POU6F2: variants seen among roughly 807,000 people sequenced by gnomAD.
POU6F2 encodes POU domain, class 6, transcription factor 2.
Under a neutral mutation model 71.3 loss-of-function variants are expected in POU6F2, and 31 were observed. The observed-to-expected ratio is 0.43, with a 90% CI of 0.33 to 0.59. The LOEUF is 0.59. Ranked by LOEUF, POU6F2 falls within the 20% of genes least tolerant of loss-of-function variation. POU6F2 has a pLI of 0.04. For synonymous variants in POU6F2, 347 were observed against 355.7 expected (o/e 0.98, Z 0.27); for missense variants, 783 against 856.8 (o/e 0.91, Z 1.07).
chr7:39,048,725 G>C (rs1790343241), intron 1 of POU6F2, among the ~76,000 whole-genome samples: 1 of 151,924 alleles, frequency 6.6e-6, no homozygotes, highest in Non-Finnish European at 1.5e-5. Context: ...TGGGTTTCAT[G>C]GTAGTTCTAA....
intron 7 of POU6F2, among the ~76,000 whole-genome samples, chr7:39,443,805 T>C (rs1788463430): frequency 6.6e-6 from 1 of 152,226 alleles, no homozygotes; most frequent in Non-Finnish European, 1.5e-5. Flanking sequence ...GGACAACCAC[T>C]AAAAAATAAA....
At chr7:39,274,012 A>G (rs1784388491) in intron 4 of POU6F2, among the ~76,000 whole-genome samples, 1 of 152,234 alleles carries the variant, frequency 6.6e-6, no homozygotes, top group African/African-American at 2.4e-5. Flanking sequence ...TTTAATTTAT[A>G]TAATGTAAAC....
rs1411527650 is a variant in POU6F2, at chr7:39,465,537, A to G, written c.*851A>G. 2 of 152,136 alleles carry G rather than the reference A, an allele frequency of 1.3e-5. No homozygotes were observed. Among genetic ancestry groups the G allele is most frequent in the South Asian group, 2.1e-4 (1 of 4,822 alleles). The allele number at this position is 152,136 out of a possible 1,614,324, so 9.4% of individuals were successfully genotyped here. A position where few individuals can be genotyped will look rare whatever the true frequency, so the allele number is the denominator to read the frequency against. On this transcript the variant is annotated 3_prime_UTR_variant, in exon 10 of 10. Transcript: ENST00000518318. ...ATGACTTGTGGGTTTGAGAAAAGAA[A>G]ATGGAGCTCGCATTTCTCTCTTTTC...
At chr7:39,111,644 G>A (rs1369397025) in intron 2 of POU6F2, among the ~76,000 whole-genome samples, 1 of 152,160 alleles carries the variant, frequency 6.6e-6, no homozygotes, top group Non-Finnish European at 1.5e-5. Flanking sequence ...GATATAGGCA[G>A]ACAGACAAAA....
chr7:39,061,156 T>A (rs1350055911), intron 1 of POU6F2, among the ~76,000 whole-genome samples: 1 of 146,364 alleles, frequency 6.8e-6, no homozygotes, highest in Non-Finnish European at 1.5e-5. Context: ...ACTGGTATTA[T>A]TTTACATTTG....
At chr7:39,322,658 T>C (rs1316260017) in intron 4 of POU6F2, among the ~76,000 whole-genome samples, 1 of 152,230 alleles carries the variant, frequency 6.6e-6, no homozygotes, top group Non-Finnish European at 1.5e-5. Context: ...TAGGTGGTGT[T>C]CATTCACTTC....
intron 1 of POU6F2, among the ~76,000 whole-genome samples, chr7:39,045,419 G>A (rs1790272924): frequency 6.6e-6 from 1 of 151,838 alleles, no homozygotes; most frequent in Admixed American, 6.6e-5. Flanking sequence ...AAGATTCTAG[G>A]CACATTGCCA....
intron 2 of POU6F2, among the ~76,000 whole-genome samples, chr7:39,115,911 C>T (rs1021276070): frequency 1.3e-5 from 2 of 152,088 alleles, no homozygotes. Flanking sequence ...TGATTATAGA[C>T]TGAATTCAAA....
At chr7:39,435,988 G>A (rs1788231933) in intron 7 of POU6F2, among the ~76,000 whole-genome samples, 1 of 152,106 alleles carries the variant, frequency 6.6e-6, no homozygotes, top group Non-Finnish European at 1.5e-5. Context: ...CTATATATCT[G>A]TTTTGGTGCC....
chr7:39,157,993 G>A (rs1792907949), intron 2 of POU6F2, among the ~76,000 whole-genome samples: 1 of 152,128 alleles, frequency 6.6e-6, no homozygotes, highest in Non-Finnish European at 1.5e-5. Flanking sequence ...ATTCAGGAAG[G>A]CATGCTACAG....
intron 5 of POU6F2, among the ~76,000 whole-genome samples, chr7:39,372,493 G>A (rs1786634505): frequency 6.6e-6 from 1 of 152,178 alleles, no homozygotes; most frequent in South Asian, 2.1e-4. Flanking sequence ...CTGAAGGTGA[G>A]CAGGCAGAAG....
chr7:39,449,671 A>C (rs1168745792), intron 7 of POU6F2, among the ~76,000 whole-genome samples: 1 of 152,200 alleles, frequency 6.6e-6, no homozygotes. Context: ...ACCTTTATTC[A>C]TCATAGCCCC....
At chr7:39,280,670 T>C (rs1019523715) in intron 4 of POU6F2, among the ~76,000 whole-genome samples, 1 of 152,216 alleles carries the variant, frequency 6.6e-6, no homozygotes, top group African/African-American at 2.4e-5. Flanking sequence ...TACTGAAAGC[T>C]TCACACTCTA....
chr7:39,016,311 A>G (rs1789547723), intron 1 of POU6F2, among the ~76,000 whole-genome samples: 1 of 150,382 alleles, frequency 6.6e-6, no homozygotes, highest in African/African-American at 2.4e-5. Context: ...CTGTGAGCCA[A>G]GTAGGGTTCT....
Position 39,464,414 on chromosome 7 carries a change from A to AGT in POU6F2, c.1893_1894dup (p.Glu632ValfsTer36). 1 of 1,614,038 alleles carries AGT rather than the reference A, an allele frequency of 6.2e-7. No individual in the cohort carries two copies. Among genetic ancestry groups the AGT allele is most frequent in the Non-Finnish European group, 8.5e-7 (1 of 1,179,892 alleles). On this transcript the variant is annotated frameshift_variant, in exon 10 of 10. Coordinates refer to ENST00000518318, the MANE Select transcript of POU6F2 (RefSeq NM_001370959.1). LOFTEE classifies it high-confidence loss of function. The surrounding 1 kb of genome is among the most constrained non-coding windows in gnomAD (Gnocchi z 4.1). ...GCAGAACCTGACCGAGTTTATCGGG[A>AGT]GTGAACCATCCAAAAAGCGCAAGCG...
At chr7:39,431,862 C>G (rs1366786131) in intron 6 of POU6F2, among the ~76,000 whole-genome samples, 2 of 152,174 alleles carry the variant, frequency 1.3e-5, no homozygotes, top group African/African-American at 4.8e-5. Flanking sequence ...CTACTGTGTC[C>G]TGGTGGCCCC....
rs1011544271 is a variant in POU6F2 at position 39,383,025 on chromosome 7, G to A, written c.973-23575G>A. Among the ~76,000 whole-genome samples, 3 of 152,150 alleles carry A rather than the reference G, an allele frequency of 2.0e-5. No homozygotes were observed. In the South Asian group the frequency reaches 6.2e-4, roughly 32 times the overall value. On this transcript the variant is annotated intron_variant, in intron 5 of 9. Coordinates refer to ENST00000518318, the MANE Select transcript of POU6F2 (RefSeq NM_001370959.1). ...AAGTGAATTTAAAAATTACCTTTCC[G>A]CAAAAAGTACTTATACTGTGCTCCT...
intron 4 of POU6F2, among the ~76,000 whole-genome samples, chr7:39,240,438 C>A (rs930538544): frequency 3.9e-5 from 6 of 152,078 alleles, no homozygotes; most frequent in African/African-American, 1.4e-4. Flanking sequence ...ATTTGTAAAT[C>A]GAAAGGGCCT....
chr7:39,076,406 G>GT (rs1791004574), intron 1 of POU6F2, among the ~76,000 whole-genome samples: 1 of 152,174 alleles, frequency 6.6e-6, no homozygotes, highest in Admixed American at 6.5e-5. Flanking sequence ...ACACCTAAGT[G>GT]TTTTGGAAAA....
Sources: gnomAD v4.1 joint callset for allele counts (sites outside exome capture counted in the v4.1 genomes callset) on GRCh38, gnomAD v4.1.1 for gene constraint, Gnocchi (gnomAD v3.1) non-coding constraint, MANE v1.5 for transcripts, NCBI Gene and HGNC (gene_info 2026-07-23, HGNC 2026-07-21) for gene names.